The following KCNJ16 variants were observed in gnomAD, a reference collection of about 807,000 sequenced individuals.
The protein encoded by KCNJ16 is potassium inwardly rectifying channel subfamily J member 16, also known as inward rectifier potassium channel 16.
In KCNJ16, 15 loss-of-function variants were observed where a neutral mutation model predicts 18.5. That is an observed-to-expected ratio of 0.81 (90% CI 0.54 to 1.25). The LOEUF is 1.25. Ranked by LOEUF, KCNJ16 falls within the 50% of genes most tolerant of loss-of-function variation. The pLI is 0.00. For synonymous variants in KCNJ16, 174 were observed against 186.5 expected (o/e 0.93, Z 0.55); for missense variants, 523 against 525.7 (o/e 0.99, Z 0.05).
rs1426756445 is a variant in KCNJ16, at chr17:70,134,469, T to C, written c.*1125T>C. ...AAATGAAGGATTTTGTGAGATAGAA[T>C]TCAATTAAAGCGATTTGAATGCACA... On this transcript the variant is annotated 3_prime_UTR_variant, in exon 4 of 4. Coordinates refer to ENST00000392671, the MANE Select transcript of KCNJ16 (RefSeq NM_170741.4). The C allele has an allele frequency of 1.2e-5, 2 of 166,952 alleles. No individual in the cohort carries two copies. The highest frequency in any genetic ancestry group is 4.8e-5 in the African/African-American group (2 of 41,446). The allele number at this position is 166,952 out of a possible 1,614,324, so 10.3% of individuals were successfully genotyped here. A position where few individuals can be genotyped will look rare whatever the true frequency, so the allele number is the denominator to read the frequency against.
chr17:70,116,669 G>C (rs1168445713), intron 2 of KCNJ16, among the ~76,000 whole-genome samples: 1 of 151,588 alleles, frequency 6.6e-6, no homozygotes, highest in Non-Finnish European at 1.5e-5. Flanking sequence ...CTTTTCAAAA[G>C]AAGACATACA....
At chr17:70,118,556 G>C (rs919923676) in intron 2 of KCNJ16, among the ~76,000 whole-genome samples, 2 of 152,080 alleles carry the variant, frequency 1.3e-5, no homozygotes, top group African/African-American at 4.8e-5. Context: ...CAAAATGGTG[G>C]AAAGTGAAGG....
At chr17:70,096,650 G>A (rs184068883) in intron 1 of KCNJ16, 8 of 295,142 alleles carry the variant, frequency 2.7e-5, no homozygotes, top group African/African-American at 1.3e-4. Flanking sequence ...ACAATCTTTT[G>A]TACTATTGAT....
chr17:70,126,154 C>A (rs1309642019), intron 2 of KCNJ16, among the ~76,000 whole-genome samples: 2 of 152,112 alleles, frequency 1.3e-5, no homozygotes, highest in African/African-American at 4.8e-5. Flanking sequence ...CTACAGTCTT[C>A]TGCAAGAATT....
At chr17:70,098,216 G>T (rs752561946) in intron 1 of KCNJ16, among the ~76,000 whole-genome samples, 4 of 152,182 alleles carry the variant, frequency 2.6e-5, no homozygotes, top group Non-Finnish European at 4.4e-5. Context: ...TATGAATAGA[G>T]TAAGGGTGTA....
chr17:70,099,034 CACCACAG>C (rs566173228), intron 1 of KCNJ16, among the ~76,000 whole-genome samples: 3 of 152,216 alleles, frequency 2.0e-5, no homozygotes, highest in African/African-American at 7.2e-5. Flanking sequence ...GGAGTATTTA[CACCACAG>C]AAATGAAAAA....
intron 1 of KCNJ16, among the ~76,000 whole-genome samples, chr17:70,088,199 G>C (rs1215534038): frequency 6.6e-6 from 1 of 152,166 alleles, no homozygotes; most frequent in Non-Finnish European, 1.5e-5. Context: ...TACTGGTTTT[G>C]TAGAAGACGA....
chr17:70,099,659 T>C (rs2072536779), intron 1 of KCNJ16, among the ~76,000 whole-genome samples: 1 of 152,120 alleles, frequency 6.6e-6, no homozygotes, highest in African/African-American at 2.4e-5. Context: ...ATCTTTCTCA[T>C]GGCATTTCTT....
At chr17:70,095,704 C>A (rs1229641896) in intron 1 of KCNJ16, among the ~76,000 whole-genome samples, 1 of 151,786 alleles carries the variant, frequency 6.6e-6, no homozygotes, top group Non-Finnish European at 1.5e-5. Flanking sequence ...TATACAGAAT[C>A]TTTTAAATGG....
At chr17:70,086,387 T>A (rs1039815604) in intron 1 of KCNJ16, among the ~76,000 whole-genome samples, 3 of 152,168 alleles carry the variant, frequency 2.0e-5, no homozygotes, top group Non-Finnish European at 4.4e-5. Context: ...AGAGAGACTA[T>A]CAAACAAAAG....
At chr17:70,118,651 G>T (rs541839562) in intron 2 of KCNJ16, among the ~76,000 whole-genome samples, 7 of 152,060 alleles carry the variant, frequency 4.6e-5, no homozygotes, top group African/African-American at 1.7e-4. Context: ...TAAATGACTA[G>T]ATCTCATAAA....
Position 70,132,197 on chromosome 17 carries a change from T to C in KCNJ16, c.110T>C (p.Leu37Pro). 1 of 1,614,244 alleles carries C rather than the reference T, an allele frequency of 6.2e-7. No individual in the cohort carries two copies. The highest frequency in any genetic ancestry group is 1.1e-5 in the South Asian group (1 of 91,084). The change falls in exon 4 of 4, where the codon CTT becomes CCT. Residue 37 changes from leucine to proline, a missense_variant. Physicochemically the swap from Leu to Pro is moderately conservative, Grantham distance 98. Transcript: ENST00000392671. Reference protein sequence around the residue: ...AEKRRARRRLLHKDGSCNVYF... With the variant: ...AEKRRARRRLPHKDGSCNVYF... The stretch of plus-strand genomic sequence containing the variant: ...AAGAGAAGAGCAAGAAGACGATTAC[T>C]TCACAAAGATGGCAGCTGTAATGTC...
At chr17:70,102,638 C>A (rs1022033872) in intron 2 of KCNJ16, among the ~76,000 whole-genome samples, 8 of 152,078 alleles carry the variant, frequency 5.3e-5, no homozygotes, top group African/African-American at 1.9e-4. Context: ...AAACAAATAA[C>A]CATTTCCCTG....
intron 2 of KCNJ16, among the ~76,000 whole-genome samples, chr17:70,123,732 G>T (rs1219852378): frequency 1.3e-5 from 2 of 152,052 alleles, no homozygotes; most frequent in Non-Finnish European, 2.9e-5. Context: ...ATAATAATGA[G>T]AATCCAAGTC....
chr17:70,091,468 G>A (rs1435705525), intron 1 of KCNJ16, among the ~76,000 whole-genome samples: 2 of 152,130 alleles, frequency 1.3e-5, no homozygotes, highest in African/African-American at 4.8e-5. Context: ...AGGGGTCAAA[G>A]AATCAAAATT....
At chr17:70,131,330 A>AT (rs552220704) in intron 3 of KCNJ16, 886 of 1,066,574 alleles carry the variant, frequency 8.3e-4, no homozygotes, top group South Asian at 4.0e-3. Flanking sequence ...AGAAAGATGC[A>AT]TTTTTTTTTC....
chr17:70,110,482 G>A (rs71381042), intron 2 of KCNJ16, among the ~76,000 whole-genome samples: 22,472 of 149,776 alleles, frequency 0.15, 2,779 homozygotes, highest in African/African-American at 0.35. Flanking sequence ...CTTCGTGCGC[G>A]CACACACACA....
chr17:70,131,947 T>C, intron 3 of KCNJ16, 48 bp from the exon 4 acceptor site: 3 of 1,500,236 alleles, frequency 2.0e-6, no homozygotes, highest in Non-Finnish European at 2.7e-6. Context: ...GCTATAAAGA[T>C]GGACATTGAA....
chr17:70,109,442 T>C (rs2073087997), intron 2 of KCNJ16, among the ~76,000 whole-genome samples: 1 of 152,174 alleles, frequency 6.6e-6, no homozygotes, highest in Non-Finnish European at 1.5e-5. Flanking sequence ...CATATCTGGA[T>C]CTGTTACTTT....
Sources: allele counts gnomAD v4.1 joint callset (sites outside exome capture counted in the v4.1 genomes callset), GRCh38; gene constraint gnomAD v4.1.1; transcripts MANE v1.5; gene names NCBI Gene and HGNC (gene_info 2026-07-23, HGNC 2026-07-21).